The following PRR14L variants were observed in gnomAD, a reference collection of about 807,000 sequenced individuals.
PRR14L encodes the protein protein PRR14L.
In PRR14L, 80 loss-of-function variants were observed where a neutral mutation model predicts 155.0. The observed-to-expected ratio is 0.52, with a 90% CI of 0.43 to 0.62. The LOEUF is 0.62. Among genes scored for constraint, PRR14L ranks in the 20% least tolerant of loss-of-function variants. PRR14L has a pLI of 0.00. For synonymous variants in PRR14L, 883 were observed against 916.0 expected (o/e 0.96, Z 0.65); for missense variants, 2,469 against 2,548.0 (o/e 0.97, Z 0.67).
rs2074658657 is a variant in PRR14L, at chr22:31,716,257, C to T, written c.1582G>A (p.Glu528Lys). Residue 528 changes from glutamate (E) to lysine (K), a missense_variant, in exon 4 of 9, where the codon GAG (glutamate) becomes AAG (lysine). By Grantham distance (56) the Glu-to-Lys change is moderately conservative. Transcript: ENST00000327423. ...AAAGATTTACTTAATATATTGGGCTCTACAGGGGTTGTCTGTCCTGCCTCT... is the reference window on the plus strand; with the variant it reads ...AAAGATTTACTTAATATATTGGGCTTTACAGGGGTTGTCTGTCCTGCCTCT... ...IEEAGQTTPV[E>K]PNILSKSFYT... 6.4e-7 allele frequency: 1 copy of T among 1,551,480 alleles called. No individual in the cohort carries two copies. The highest frequency in any genetic ancestry group is 8.7e-7 in the Non-Finnish European group (1 of 1,146,940).
At chr22:31,704,474 G>T in intron 5 of PRR14L, 181 bp downstream of exon 5, 2 of 428,574 alleles carry the variant, frequency 4.7e-6, no homozygotes, top group East Asian at 3.7e-5. Flanking sequence ...ATTCCTAGTT[G>T]CTGCTTGTAA....
intron 6 of PRR14L, among the ~76,000 whole-genome samples, chr22:31,702,391 T>G (rs2074567357): frequency 6.6e-6 from 1 of 152,038 alleles, no homozygotes; most frequent in Admixed American, 6.6e-5. Context: ...CCCGGCTTAT[T>G]TTGTATTTTA....
chr22:31,722,384 C>T (rs551235655), intron 3 of PRR14L, among the ~76,000 whole-genome samples: 7 of 146,258 alleles, frequency 4.8e-5, no homozygotes, highest in Non-Finnish European at 1.0e-4. Flanking sequence ...AAGCCAAGAT[C>T]GTGCCACTGC....
intron 1 of PRR14L, among the ~76,000 whole-genome samples, chr22:31,748,126 T>G (rs1238837572): frequency 6.6e-6 from 1 of 152,258 alleles, no homozygotes; most frequent in Non-Finnish European, 1.5e-5. Flanking sequence ...ATACTCACAA[T>G]AATGACCAGG....
chr22:31,718,720 TTA>T (rs200097555), intron 3 of PRR14L, among the ~76,000 whole-genome samples: 1 of 147,490 alleles, frequency 6.8e-6, no homozygotes, highest in Admixed American at 6.6e-5. Context: ...ACACATGATT[TTA>T]TATATATATA....
In PRR14L at chr22:31,712,852, A is replaced by G. The variant is rs114057802; in HGVS notation, c.4987T>C (p.Phe1663Leu). The change falls in exon 4 of 9, where the codon TTT becomes CTT. Residue 1663 changes from phenylalanine to leucine, a missense_variant. Phe to Leu is a conservative substitution (Grantham distance 22, BLOSUM62 0). This residue lies in a region of PRR14L where 2,363 missense variants were observed against 2,371.6 expected (regional missense o/e 1.00). Transcript: ENST00000327423. Reference sequence around the variant, plus strand: ...TTCAGCTGCTCTGTGCTGGATGAAAATCCGTCCAGGAGTCTTTTATATCTG... The same window carrying G: ...TTCAGCTGCTCTGTGCTGGATGAAAGTCCGTCCAGGAGTCTTTTATATCTG... The part of the protein sequence containing the change: ...RLRYKRLLDG[F>L]SSSTEQLNPY... The G allele has an allele frequency of 2.9e-3, 4,466 of 1,551,984 alleles. 117 individuals carry two copies. In the African/African-American group the frequency reaches 0.054, roughly 19 times the overall value.
At position 31,713,274 on chromosome 22, in the gene PRR14L, GGCT is replaced by G. The variant is rs1250692001; in HGVS notation, c.4562_4564del (p.Gln1521del). 4 of 1,551,996 alleles carry G rather than the reference GGCT, an allele frequency of 2.6e-6. No individual in the cohort carries two copies. The highest frequency in any genetic ancestry group is 3.5e-6 in the Non-Finnish European group (4 of 1,147,096). Reference sequence around the variant, plus strand: ...GGAAACTTTCTTACAAGTTCGATGGGGCTGCTTCTTTAAGGGAAGAACTCCTTT... The same window carrying G: ...GGAAACTTTCTTACAAGTTCGATGGGGCTTCTTTAAGGGAAGAACTCCTTT... On this transcript the variant is annotated inframe_deletion, in exon 4 of 9. Transcript: ENST00000327423.
In PRR14L at chr22:31,713,654, C is replaced by G. The variant is rs3804090; in HGVS notation, c.4185G>C (p.Leu1395Phe). ...TCTCTTCTTTCTGCAACATGTAGTCCAAAACCTCAGGGCTCTGCTGTTTTT... is the reference window on the plus strand; with the variant it reads ...TCTCTTCTTTCTGCAACATGTAGTCGAAAACCTCAGGGCTCTGCTGTTTTT... ...HAEKQQSPEVLDYMLQKEEKY... is the reference protein window; with the variant it reads ...HAEKQQSPEVFDYMLQKEEKY... Residue 1395 changes from leucine (L) to phenylalanine (F), a missense_variant, in exon 4 of 9, where the codon TTG becomes TTC. Around this residue, in one of 2 missense-constraint regions of PRR14L, gnomAD observed 2,363 missense variants for 2,371.6 expected, o/e 1.00. Coordinates refer to ENST00000327423, the MANE Select transcript of PRR14L (RefSeq NM_173566.3). The G allele has an allele frequency of 1.0e-3, 1,558 of 1,551,944 alleles. 28 individuals carry two copies. In the East Asian group the frequency reaches 0.031, roughly 31 times the overall value.
At chr22:31,699,718 G>C (rs2074553495) in intron 7 of PRR14L, among the ~76,000 whole-genome samples, 1 of 152,080 alleles carries the variant, frequency 6.6e-6, no homozygotes, top group African/African-American at 2.4e-5. Context: ...TTCCTGAAAG[G>C]ATAAATTAAC....
chr22:31,745,811 C>T (rs144340424), intron 1 of PRR14L, among the ~76,000 whole-genome samples: 1,986 of 147,876 alleles, frequency 0.013, 15 homozygotes, highest in Middle Eastern at 0.031. Flanking sequence ...CGCGCCATTG[C>T]ACTTCAGCCT....
At chr22:31,691,219 G>A (rs959044983) in intron 7 of PRR14L, among the ~76,000 whole-genome samples, 2 of 151,976 alleles carry the variant, frequency 1.3e-5, no homozygotes, top group South Asian at 2.1e-4. Flanking sequence ...TGCCCACCTC[G>A]GCCTCCCATA....
chr22:31,731,099 T>C (rs2074746725), intron 2 of PRR14L, among the ~76,000 whole-genome samples: 1 of 152,298 alleles, frequency 6.6e-6, no homozygotes, highest in Middle Eastern at 3.4e-3. Flanking sequence ...CTTGCGTTTT[T>C]CCCTCTCCTG....
Position 31,712,965 on chromosome 22 carries a change from T to G in PRR14L, c.4874A>C (p.Lys1625Thr), listed in dbSNP as rs199620955. 4 of 1,551,612 alleles carry G rather than the reference T, an allele frequency of 2.6e-6. No individual in the cohort carries two copies. In the African/African-American group the frequency reaches 4.1e-5, roughly 16 times the overall value. Residue 1625 changes from lysine to threonine, a missense_variant, in exon 4 of 9, where the codon AAA becomes ACA. Around this residue, in one of 2 missense-constraint regions of PRR14L, gnomAD observed 2,363 missense variants for 2,371.6 expected, o/e 1.00. Coordinates refer to ENST00000327423, the MANE Select transcript of PRR14L (RefSeq NM_173566.3). ...CTGAGTCTTCATGGCTGGGGCCAGT[T>G]TGGAGGCAAGGATGGACAGCTTGTT... Reference protein sequence around the residue: ...LLNKLSILASKLAPAMKTQKL... With the variant: ...LLNKLSILASTLAPAMKTQKL...
chr22:31,706,810 G>A (rs2074594867), intron 4 of PRR14L, among the ~76,000 whole-genome samples: 1 of 152,112 alleles, frequency 6.6e-6, no homozygotes, highest in Admixed American at 6.6e-5. Context: ...AGTACTCTGG[G>A]AGGCTGAGGT....
At chr22:31,712,000 C>T in intron 4 of PRR14L, 83 bp downstream of exon 4, 2 of 1,293,350 alleles carry the variant, frequency 1.5e-6, no homozygotes, top group East Asian at 2.3e-5. Context: ...AATAGCCTTG[C>T]ATTTCCCGCA....
Position 31,738,569 on chromosome 22 carries a change from T to C in PRR14L, c.292A>G (p.Thr98Ala). Reference protein sequence around the residue: ...EPGRCGLVDSTAGGSVASGIL... With the variant: ...EPGRCGLVDSAAGGSVASGIL... ...CCAGATGCCACAGAACCTCCTGCTG[T>C]GGAGTCCACTAGCCCACATCGCCCA... Residue 98 changes from threonine to alanine, a missense_variant, in exon 2 of 9, where the codon ACA becomes GCA. By Grantham distance (58) the Thr-to-Ala change is moderately conservative (BLOSUM62 0). This residue lies in a region of PRR14L where 2,363 missense variants were observed against 2,371.6 expected (regional missense o/e 1.00). Transcript: ENST00000327423. The C allele has an allele frequency of 6.4e-7, 1 of 1,552,054 alleles. No individual in the cohort carries two copies. Among genetic ancestry groups the C allele is most frequent in the Non-Finnish European group, 8.7e-7 (1 of 1,147,072 alleles).
At chr22:31,732,263 C>T (rs1020922352) in intron 2 of PRR14L, among the ~76,000 whole-genome samples, 2 of 152,198 alleles carry the variant, frequency 1.3e-5, no homozygotes, top group Admixed American at 1.3e-4. Context: ...AGAAGTGAGT[C>T]AACAGAGCAG....
chr22:31,694,426 A>G (rs2074525040), intron 7 of PRR14L, among the ~76,000 whole-genome samples: 1 of 152,188 alleles, frequency 6.6e-6, no homozygotes. Flanking sequence ...GTTCAAGACC[A>G]GCCTGACCAA....
intron 1 of PRR14L, among the ~76,000 whole-genome samples, chr22:31,745,617 G>A (rs191612439): frequency 4.6e-5 from 7 of 151,748 alleles, no homozygotes; most frequent in South Asian, 4.2e-4. Context: ...AGGCTGAGGC[G>A]GGTAGATCAC....
Sources: gnomAD v4.1 joint callset for allele counts (sites outside exome capture counted in the v4.1 genomes callset) on GRCh38, gnomAD v4.1.1 for gene constraint, gnomAD v4.1.1 regional missense constraint, MANE v1.5 for transcripts, NCBI Gene and HGNC (gene_info 2026-07-23, HGNC 2026-07-21) for gene names.